Variants in CABLES2 observed in about 807,000 individuals in gnomAD.
CABLES2 encodes the protein Cdk5 and Abl enzyme substrate 2, also known as CDK5 and ABL1 enzyme substrate 2.
Under a neutral mutation model 44.8 loss-of-function variants are expected in CABLES2, and 35 were observed. The ratio of observed to expected loss-of-function variants is 0.78; its 90% CI spans 0.60 to 1.04. CABLES2 has a LOEUF of 1.04. Ranked by LOEUF, CABLES2 falls within the 50% of genes least tolerant of loss-of-function variation. CABLES2 has a pLI of 0.00. For synonymous variants in CABLES2, 282 were observed against 281.1 expected, an observed-to-expected ratio of 1.00 and a Z score of -0.03; for missense variants, 566 against 615.7, an observed-to-expected ratio of 0.92 and a Z score of 0.85.
Position 62,391,340 on chromosome 20 carries a change from T to C in CABLES2, c.1205A>G (p.Gln402Arg). The C allele has an allele frequency of 6.2e-7, 1 of 1,613,444 alleles. No homozygotes were observed. Among genetic ancestry groups the C allele is most frequent in the Non-Finnish European group, 8.5e-7 (1 of 1,180,032 alleles). ...GGCGCCAGCGCACAGCTTGCGGTTC[T>C]GTTTGCTGAGCTTGCCCTGCAGGAC... ...KLVLQGKLSK[Q>R]NRKLCAGACV... The change falls in exon 9 of 10, where the codon CAG becomes CGG. Residue 402 changes from glutamine (Q) to arginine (R), a missense_variant. By Grantham distance (43) the Gln-to-Arg change is conservative. Coordinates refer to ENST00000279101, the MANE Select transcript of CABLES2 (RefSeq NM_031215.3). The surrounding 1 kb of genome is among the most constrained non-coding windows in gnomAD (Gnocchi z 5.7).
intron 1 of CABLES2, among the ~76,000 whole-genome samples, chr20:62,401,286 G>A (rs904926539): frequency 1.3e-5 from 2 of 152,254 alleles, no homozygotes; most frequent in Non-Finnish European, 2.9e-5. Flanking sequence ...GGAGGACGCC[G>A]CTTTGGCCTT....
chr20:62,392,558 G>T, intron 7 of CABLES2, 63 bp from the exon 8 acceptor site: 3 of 1,176,054 alleles, frequency 2.6e-6, no homozygotes, highest in Non-Finnish European at 2.6e-6. Flanking sequence ...CCTGCCTGCT[G>T]GGTACGATGG....
In CABLES2 at chr20:62,397,951, T is replaced by C. The variant is rs1468780581; in HGVS notation, c.363-1359A>G. ...GTGGTGGTGGTGATGGTGGTGACGG[T>C]AGTGGTGGTGATGGTGGTGACAGTG... On this transcript the variant is annotated intron_variant, in intron 1 of 9. Coordinates refer to ENST00000279101, the MANE Select transcript of CABLES2 (RefSeq NM_031215.3). Among the ~76,000 whole-genome samples the C allele has an allele frequency of 7.9e-4, 19 of 24,106 alleles. 1 individual carries two copies. Among genetic ancestry groups the C allele is most frequent in the Admixed American group, 1.6e-3 (4 of 2,484 alleles). The allele number at this position is 24,106 out of a possible 152,430, so 15.8% of individuals were successfully genotyped here.
rs547296928 is a variant in CABLES2, at chr20:62,391,598, C to T, written c.1092-145G>A. The T allele has an allele frequency of 5.2e-5, 43 of 826,132 alleles. No homozygotes were observed. The highest frequency in any genetic ancestry group is 3.4e-4 in the Middle Eastern group (1 of 2,900). 51.2% of individuals were successfully genotyped at this position (826,132 alleles called of 1,614,324 possible). A position where few individuals can be genotyped will look rare whatever the true frequency, so the allele number is the denominator to read the frequency against. ...GCATCCTTCAGGGGATGGTACCCTC[C>T]GCCGTACCATGTATAACGCCCAGGG... On this transcript the variant is annotated intron_variant, in intron 8 of 9. Transcript: ENST00000279101. The surrounding 1 kb of genome is among the most constrained non-coding windows in gnomAD (Gnocchi z 5.7).
rs1463043427 is a variant in CABLES2, at chr20:62,407,252, C to G, written c.25G>C (p.Ala9Pro). The stretch of plus-strand genomic sequence containing the variant: ...GCGGGGCCGGGGGCCGGGCCCGGGG[C>G]TCCACCGGCCGCGGCCGCGGCCATC... The part of the protein sequence containing the change: MAAAAAGG[A>P]PGPAPGPAGP... Residue 9 changes from alanine to proline, a missense_variant, in exon 1 of 10, where the codon GCC (alanine) becomes CCC (proline). Physicochemically the swap from Ala to Pro is conservative, Grantham distance 27 (BLOSUM62 -1). Transcript: ENST00000279101. 4.4e-6 allele frequency: 3 copies of G among 688,492 alleles called. No homozygotes were observed. Among genetic ancestry groups the G allele is most frequent in the Admixed American group, 6.5e-5 (1 of 15,312 alleles). The allele number at this position is 688,492 out of a possible 1,614,324, so 42.6% of individuals were successfully genotyped here.
At chr20:62,401,866 A>C (rs1988194653) in intron 1 of CABLES2, among the ~76,000 whole-genome samples, 1 of 152,208 alleles carries the variant, frequency 6.6e-6, no homozygotes, top group Non-Finnish European at 1.5e-5. Flanking sequence ...TGCTTCACTC[A>C]TCCTGCGTGC....
chr20:62,399,548 G>GT (rs142175373), intron 1 of CABLES2, among the ~76,000 whole-genome samples: 26,357 of 130,446 alleles, frequency 0.2, 2,664 homozygotes, highest in Middle Eastern at 0.27. Flanking sequence ...CGCCCGGCCT[G>GT]TTTTTTTTTT....
At chr20:62,398,088 ACGGTGG>A (rs1298305758) in intron 1 of CABLES2, among the ~76,000 whole-genome samples, 16 of 52,230 alleles carry the variant, frequency 3.1e-4, no homozygotes, top group Admixed American at 1.9e-4. Context: ...GGTGGTGGTG[ACGGTGG>A]TGGTGGTGGT....
At chr20:62,400,671 G>T (rs2427318) in intron 1 of CABLES2, among the ~76,000 whole-genome samples, 67,127 of 151,570 alleles carry the variant, frequency 0.44, 16,436 homozygotes, top group African/African-American at 0.65. Flanking sequence ...TTGGAGGCCC[G>T]TGGGGGTCCC....
chr20:62,393,144 G>A (rs1020183197), intron 6 of CABLES2, 121 bp from the exon 7 acceptor site: 4 of 890,952 alleles, frequency 4.5e-6, no homozygotes, highest in South Asian at 1.5e-5. Flanking sequence ...TCTAGGCCAT[G>A]GTTCTCTCCT....
intron 6 of CABLES2, among the ~76,000 whole-genome samples, 175 bp from the exon 7 acceptor site, chr20:62,393,198 A>G (rs962837407): frequency 8.5e-5 from 13 of 152,224 alleles, no homozygotes; most frequent in Admixed American, 8.5e-4. Flanking sequence ...TCCTGAGAGG[A>G]GGGGCCCTCC....
intron 3 of CABLES2, among the ~76,000 whole-genome samples, chr20:62,395,896 T>G (rs1988009392): frequency 6.6e-6 from 1 of 152,208 alleles, no homozygotes; most frequent in Non-Finnish European, 1.5e-5. Context: ...GTGCAGCCGG[T>G]GCCAGCTGCG....
chr20:62,393,063 G>T, intron 6 of CABLES2, 40 bp from the exon 7 acceptor site: 1 of 1,557,018 alleles, frequency 6.4e-7, no homozygotes, highest in Non-Finnish European at 8.9e-7. Context: ...GGAGTCTTGA[G>T]CAGTACCCAT....
At position 62,407,068 on chromosome 20, in the gene CABLES2, T is replaced by G; in HGVS notation, c.209A>C (p.Lys70Thr). The G allele has an allele frequency of 9.3e-7, 1 of 1,072,878 alleles. No homozygotes were observed. Among genetic ancestry groups the G allele is most frequent in the African/African-American group, 1.7e-5 (1 of 58,806 alleles). 66.5% of individuals were successfully genotyped at this position (1,072,878 alleles called of 1,614,324 possible). ...RPPSLGPGGE[K>T]PPPPPAEARE... ...GGCCTCGGCGGGCGGCGGCGGGGGC[T>G]TCTCTCCGCCCGGGCCCAGGCTCGG... The change falls in exon 1 of 10, where the codon AAG becomes ACG. Residue 70 changes from lysine to threonine, a missense_variant. This residue lies in a region of CABLES2 where 130 missense variants were observed against 79.4 expected (regional missense o/e 1.64). Coordinates refer to ENST00000279101, the MANE Select transcript of CABLES2 (RefSeq NM_031215.3).
At position 62,391,003 on chromosome 20, in the gene CABLES2, G is replaced by C. The variant is rs375213613; in HGVS notation, c.1405C>G (p.Pro469Ala). 3.7e-6 allele frequency: 6 copies of C among 1,614,026 alleles called. No homozygotes were observed. The highest frequency in any genetic ancestry group is 1.7e-5 in the Admixed American group (1 of 60,006). The change falls in exon 10 of 10, where the codon CCT becomes GCT. Residue 469 changes from proline to alanine, a missense_variant. Pro to Ala is a conservative substitution (Grantham distance 27, BLOSUM62 -1). Around this residue, in one of 2 missense-constraint regions of CABLES2, gnomAD observed 436 missense variants for 536.3 expected, o/e 0.81. Coordinates refer to ENST00000279101, the MANE Select transcript of CABLES2 (RefSeq NM_031215.3). This position sits in a 1 kb window ranked among gnomAD's most constrained non-coding sequence, Gnocchi z 5.7. ...ALYLPENQVL[P>A]HYRRLTQQF is the part of the protein sequence containing the mutation. ...TGCTGGGTGAGGCGCCTGTAATGAGGTAACACTTGGTTCTCGGGAAGATAC... is the reference window on the plus strand; with the variant it reads ...TGCTGGGTGAGGCGCCTGTAATGAGCTAACACTTGGTTCTCGGGAAGATAC...
Position 62,399,140 on chromosome 20 carries a change from G to C in CABLES2, c.363-2548C>G, listed in dbSNP as rs540450200. 3.9e-5 allele frequency among the ~76,000 whole-genome samples: 6 copies of C among 152,304 alleles called. No individual in the cohort carries two copies. The East Asian group carries it at 1.2e-3, about 29-fold the overall frequency. On this transcript the variant is annotated intron_variant, in intron 1 of 9. Coordinates refer to ENST00000279101, the MANE Select transcript of CABLES2 (RefSeq NM_031215.3). The stretch of plus-strand genomic sequence containing the variant: ...TTTTTTGTATTTTTTAGTAGAGATG[G>C]GGTTTCACCATATTGGCCAGTCTGG...
At chr20:62,398,187 A>ACGGTGGTGATGATGGTGATGGTGG (rs759461396) in intron 1 of CABLES2, among the ~76,000 whole-genome samples, 20,646 of 92,422 alleles carry the variant, frequency 0.22, 4,668 homozygotes, top group African/African-American at 0.57. Context: ...GGTGGTGGTG[A>ACGGTGGTGATGATGGTGATGGTGG]TGGTGATGAT....
chr20:62,398,955 T>C (rs1409359898), intron 1 of CABLES2, among the ~76,000 whole-genome samples: 2 of 152,388 alleles, frequency 1.3e-5, no homozygotes, highest in East Asian at 3.9e-4. Flanking sequence ...TGTCATTTTT[T>C]TCTTTTTTTG....
intron 1 of CABLES2, among the ~76,000 whole-genome samples, chr20:62,399,896 G>A (rs965239551): frequency 6.6e-6 from 1 of 152,140 alleles, no homozygotes. Context: ...ATTGTATAAC[G>A]AAGTGTGAAA....
Sources: gnomAD v4.1 joint callset for allele counts (sites outside exome capture counted in the v4.1 genomes callset) on GRCh38, gnomAD v4.1.1 for gene constraint, gnomAD v4.1.1 regional missense constraint, Gnocchi (gnomAD v3.1) non-coding constraint, MANE v1.5 for transcripts, NCBI Gene and HGNC (gene_info 2026-07-23, HGNC 2026-07-21) for gene names.